EPB41L4A: variants seen among roughly 807,000 people sequenced by gnomAD.
EPB41L4A encodes the protein erythrocyte membrane protein band 4.1 like 4A.
EPB41L4A carries 100 observed loss-of-function variants against 108.6 expected under a neutral mutation model. That is an observed-to-expected ratio of 0.92 (90% CI 0.78 to 1.09). EPB41L4A has a LOEUF of 1.09. EPB41L4A is among the 50% of genes least tolerant of loss of function. EPB41L4A has a pLI of 0.00. For missense variants in EPB41L4A, 1,030 were observed against 842.7 expected (o/e 1.22, Z -2.75); for synonymous variants, 319 against 289.0 (o/e 1.10, Z -1.05).
chr5:112,263,606 A>C (rs1751641090), intron 6 of EPB41L4A: 1 of 152,172 alleles, frequency 6.6e-6, no homozygotes, highest in African/African-American at 2.4e-5. Flanking sequence ...CTAATGTTAT[A>C]ACAAGCACTC....
chr5:112,142,261 G>C (rs73787778), downstream of EPB41L4A, among the ~76,000 whole-genome samples: 17,732 of 152,172 alleles, frequency 0.12, 1,126 homozygotes, highest in South Asian at 0.15. Context: ...TCTTTCTTCT[G>C]TCTGTCGACA....
At position 112,394,586 on chromosome 5, in the gene EPB41L4A, A is replaced by G. The variant is rs1362744959; in HGVS notation, c.99+24355T>C. Among the ~76,000 whole-genome samples the G allele has an allele frequency of 2.0e-5, 3 of 152,342 alleles. No individual in the cohort carries two copies. In the East Asian group the frequency reaches 5.8e-4, roughly 29 times the overall value. On this transcript the variant is annotated intron_variant, in intron 1 of 22. Transcript: ENST00000261486. ...CTACAAACCACTGCTCAATGAAATA[A>G]AAGAGGACACAAACAAATGGAAGAA... is the stretch of plus-strand genomic sequence containing the variant.
intron 1 of EPB41L4A, among the ~76,000 whole-genome samples, chr5:112,324,111 C>T (rs552863578): frequency 4.6e-4 from 70 of 152,242 alleles, no homozygotes; most frequent in Middle Eastern, 6.8e-3. Context: ...AGAAAAGTGG[C>T]ACAGTGTATC....
intron 1 of EPB41L4A, among the ~76,000 whole-genome samples, chr5:112,370,577 T>G (rs1237807194): frequency 6.6e-6 from 1 of 152,154 alleles, no homozygotes; most frequent in African/African-American, 2.4e-5. Flanking sequence ...ATACATGGAT[T>G]TTTAGAAAAG....
chr5:112,320,896 C>G (rs1463157912), intron 1 of EPB41L4A, among the ~76,000 whole-genome samples: 1 of 152,206 alleles, frequency 6.6e-6, no homozygotes, highest in Non-Finnish European at 1.5e-5. Context: ...GTCTAAAACT[C>G]TGCTACTTCA....
At chr5:112,356,959 C>T (rs59989870) in intron 1 of EPB41L4A, among the ~76,000 whole-genome samples, 6,021 of 152,220 alleles carry the variant, frequency 0.04, 375 homozygotes, top group East Asian at 0.32. Context: ...ATTTTAAAGA[C>T]AATATATACC....
At chr5:112,173,546 G>A (rs1009594654) in intron 18 of EPB41L4A, 11 of 110,892 alleles carry the variant, frequency 9.9e-5, no homozygotes, top group South Asian at 4.2e-4. Context: ...AAAAAAATAA[G>A]AGTGTTTTCA....
At chr5:112,348,583 G>C (rs931340035) in intron 1 of EPB41L4A, among the ~76,000 whole-genome samples, 4 of 152,252 alleles carry the variant, frequency 2.6e-5, no homozygotes, top group South Asian at 4.1e-4. Flanking sequence ...GGAAGCAGGT[G>C]GGGGAGGGGT....
At chr5:112,313,832 C>G (rs529028614) in intron 1 of EPB41L4A, among the ~76,000 whole-genome samples, 6 of 149,438 alleles carry the variant, frequency 4.0e-5, no homozygotes, top group South Asian at 2.1e-4. Context: ...TCATACTCCC[C>G]AACCGCTCCA....
At chr5:112,402,891 G>T (rs1209033729) in intron 1 of EPB41L4A, among the ~76,000 whole-genome samples, 1 of 151,954 alleles carries the variant, frequency 6.6e-6, no homozygotes, top group Non-Finnish European at 1.5e-5. Flanking sequence ...TATTTAAAAG[G>T]AAGATTAAGC....
chr5:112,272,522 C>T (rs1407696741), intron 4 of EPB41L4A, among the ~76,000 whole-genome samples: 2 of 151,270 alleles, frequency 1.3e-5, no homozygotes, highest in African/African-American at 2.4e-5. Context: ...GTAAAAAGAC[C>T]GGGTTACAGC....
chr5:112,314,577 G>T (rs1755305013), intron 1 of EPB41L4A, among the ~76,000 whole-genome samples: 1 of 144,694 alleles, frequency 6.9e-6, no homozygotes, highest in Admixed American at 7.0e-5. Flanking sequence ...GGCGCCTGTG[G>T]TCCCAGCTAC....
chr5:112,397,030 T>A (rs1236879505), intron 1 of EPB41L4A, among the ~76,000 whole-genome samples: 2 of 152,178 alleles, frequency 1.3e-5, no homozygotes, highest in Non-Finnish European at 2.9e-5. Flanking sequence ...AGTCTGCCCA[T>A]TATCCAAATA....
chr5:112,268,075 T>G (rs371990665), intron 4 of EPB41L4A, among the ~76,000 whole-genome samples: 1 of 152,206 alleles, frequency 6.6e-6, no homozygotes, highest in Non-Finnish European at 1.5e-5. Flanking sequence ...TTAGGAGAAC[T>G]TAAAATACAA....
At chr5:112,199,187 C>A (rs1431756804) in intron 15 of EPB41L4A, among the ~76,000 whole-genome samples, 1 of 152,184 alleles carries the variant, frequency 6.6e-6, no homozygotes, top group African/African-American at 2.4e-5. Context: ...ATTCTCTAGT[C>A]TCATGCCTGG....
chr5:112,418,862 C>G, intron 1 of EPB41L4A, 79 bp downstream of exon 1: 3 of 1,143,870 alleles, frequency 2.6e-6, no homozygotes, highest in South Asian at 1.3e-5. Flanking sequence ...CTCGACCCAC[C>G]GGTGACAGCC....
At chr5:112,354,314 T>C (rs959879424) in intron 1 of EPB41L4A, among the ~76,000 whole-genome samples, 1 of 152,202 alleles carries the variant, frequency 6.6e-6, no homozygotes, top group African/African-American at 2.4e-5. Context: ...CCTAAATCTA[T>C]GTTGAGGTGG....
chr5:112,409,367 G>A (rs1001766543), intron 1 of EPB41L4A, among the ~76,000 whole-genome samples: 1 of 152,178 alleles, frequency 6.6e-6, no homozygotes, highest in Non-Finnish European at 1.5e-5. Flanking sequence ...GTGGTTTTCA[G>A]TTTCTTTCTG....
intron 12 of EPB41L4A, among the ~76,000 whole-genome samples, chr5:112,218,773 A>C (rs555413241): frequency 1.3e-5 from 2 of 152,348 alleles, no homozygotes; most frequent in African/African-American, 2.4e-5. Flanking sequence ...GTTTGAGCTC[A>C]TCTCAAGGAC....
Sources: gnomAD v4.1 joint callset for allele counts (sites outside exome capture counted in the v4.1 genomes callset) on GRCh38, gnomAD v4.1.1 for gene constraint, MANE v1.5 for transcripts, NCBI Gene and HGNC (gene_info 2026-07-23, HGNC 2026-07-21) for gene names.